Variants in SORBS2 observed in about 807,000 individuals in gnomAD.
SORBS2 encodes the protein sorbin and SH3 domain containing 2, also known as sorbin and SH3 domain-containing protein 2.
A neutral mutation model predicts 97.7 loss-of-function variants in SORBS2; 46 were observed. The observed-to-expected ratio is 0.47, with a 90% CI of 0.37 to 0.60. The LOEUF is 0.60. Among genes scored for constraint, SORBS2 ranks in the 20% least tolerant of loss-of-function variants. The probability of loss-of-function intolerance (pLI) is 0.00; values close to 1 mark genes in which losing one functional copy is unlikely to be tolerated. For synonymous variants in SORBS2, 476 were observed against 473.4 expected, an observed-to-expected ratio of 1.01 and a Z score of -0.07; for missense variants, 1,316 against 1,282.3, an observed-to-expected ratio of 1.03 and a Z score of -0.40.
chr4:185,889,989 C>G (rs965617559), intron 1 of SORBS2, among the ~76,000 whole-genome samples: 11 of 152,174 alleles, frequency 7.2e-5, no homozygotes, highest in Non-Finnish European at 1.5e-4. Context: ...CAAGTTCAAG[C>G]AATTTTCCTG....
At chr4:185,828,552 CAAAG>C (rs1172480067) in intron 1 of SORBS2, among the ~76,000 whole-genome samples, 1 of 151,876 alleles carries the variant, frequency 6.6e-6, no homozygotes, top group Non-Finnish European at 1.5e-5. Context: ...TATAATACAA[CAAAG>C]AAAGAAAAGA....
rs544211866 is a variant in SORBS2, at chr4:185,731,866, CTATATATATATATATATATATATATA to C, written c.-198+43335_-198+43360del. ...TCTCTCTCTCTCTCTCTCTCTCTCT[CTATATATATATATATATATATATATA>C]TATATATATATATATATGTCTGTTT... is the stretch of plus-strand genomic sequence containing the variant. On this transcript the variant is annotated intron_variant, in intron 2 of 20. Transcript: ENST00000284776. 5.3e-4 allele frequency among the ~76,000 whole-genome samples: 13 copies of C among 24,692 alleles called. No homozygotes were observed. The East Asian group carries it at 8.0e-3, about 15-fold the overall frequency. 16.2% of individuals were successfully genotyped at this position (24,692 alleles called of 152,430 possible). A position where few individuals can be genotyped will look rare whatever the true frequency, so the allele number is the denominator to read the frequency against.
rs566236409 is a variant in SORBS2, at chr4:185,639,016, G to A, written c.396+7652C>T. 6 of 1,517,530 alleles carry A rather than the reference G, an allele frequency of 4.0e-6. No individual in the cohort carries two copies. In the African/African-American group the frequency reaches 5.7e-5, roughly 14 times the overall value. 94.0% of individuals were successfully genotyped at this position (1,517,530 alleles called of 1,614,324 possible). Reference sequence around the variant, plus strand: ...GCCAGGTTCCCTTGGAACAGGTGTCGGAGTTGTTGGGAGAGGGGGCTGCAA... The same window carrying A: ...GCCAGGTTCCCTTGGAACAGGTGTCAGAGTTGTTGGGAGAGGGGGCTGCAA... On this transcript the variant is annotated intron_variant, in intron 4 of 14. Transcript: ENST00000418609.
chr4:185,813,173 G>C (rs538923757), intron 1 of SORBS2: 3 of 152,208 alleles, frequency 2.0e-5, no homozygotes, highest in Admixed American at 1.3e-4. Flanking sequence ...CTAGCAATCT[G>C]TTTCAAATAG....
At chr4:185,718,188 G>A (rs80210472) in intron 2 of SORBS2, among the ~76,000 whole-genome samples, 10,954 of 151,848 alleles carry the variant, frequency 0.072, 580 homozygotes, top group African/African-American at 0.15. Context: ...CCAAGATCGC[G>A]CCATTGCACT....
In SORBS2 at chr4:185,909,938, C is replaced by T. The variant is rs986944227; in HGVS notation, c.-338+46258G>A. On this transcript the variant is annotated intron_variant, in intron 1 of 20. Transcript: ENST00000284776. Reference sequence around the variant, plus strand: ...GGCGGAGGTTGAAGTGAGCTGAGATCGCTCCACTGCACTCCAGCTTGGGTG... The same window carrying T: ...GGCGGAGGTTGAAGTGAGCTGAGATTGCTCCACTGCACTCCAGCTTGGGTG... Among the ~76,000 whole-genome samples the T allele has an allele frequency of 5.0e-4, 73 of 145,750 alleles. 4 individuals are homozygous for T. The highest frequency in any genetic ancestry group is 4.0e-4 in the East Asian group (2 of 5,002).
chr4:185,614,576 A>G (rs887573524), intron 11 of SORBS2: 2 of 437,090 alleles, frequency 4.6e-6, no homozygotes, highest in Admixed American at 3.9e-5. Flanking sequence ...TTTCAGCCCC[A>G]TGCCCGGCTT....
At chr4:185,640,574 A>G (rs1189055032) in intron 4 of SORBS2, among the ~76,000 whole-genome samples, 1 of 152,220 alleles carries the variant, frequency 6.6e-6, no homozygotes, top group East Asian at 1.9e-4. Flanking sequence ...GGTAGAGACA[A>G]AATATTCTAG....
intron 7 of SORBS2, among the ~76,000 whole-genome samples, chr4:185,621,421 C>T (rs760281182): frequency 3.9e-5 from 6 of 152,000 alleles, no homozygotes; most frequent in Admixed American, 1.3e-4. Context: ...TTCCAAGTTA[C>T]GTTTCAAAAA....
chr4:185,901,263 G>T (rs560742460), intron 1 of SORBS2, among the ~76,000 whole-genome samples: 2 of 152,128 alleles, frequency 1.3e-5, no homozygotes, highest in African/African-American at 2.4e-5. Flanking sequence ...GAGTGCAATG[G>T]CACAATCTCG....
At chr4:185,655,423 C>T (rs1437417417) in intron 1 of SORBS2, among the ~76,000 whole-genome samples, 1 of 152,166 alleles carries the variant, frequency 6.6e-6, no homozygotes, top group Non-Finnish European at 1.5e-5. Context: ...GACAGCCTGA[C>T]TTGACATTTA....
chr4:185,853,668 C>A (rs1413335155), intron 1 of SORBS2, among the ~76,000 whole-genome samples: 1 of 152,100 alleles, frequency 6.6e-6, no homozygotes, highest in East Asian at 1.9e-4. Context: ...AAACATTCTC[C>A]CAGATATGTG....
At chr4:185,720,635 T>C (rs10017940) in intron 2 of SORBS2, among the ~76,000 whole-genome samples, 122,912 of 152,136 alleles carry the variant, frequency 0.81, 50,304 homozygotes, top group Non-Finnish European at 0.89. Flanking sequence ...CCAGGTGCTC[T>C]GCCTTGTGAC....
intron 1 of SORBS2, among the ~76,000 whole-genome samples, chr4:185,653,126 G>A (rs192047664): frequency 7.9e-5 from 12 of 152,310 alleles, no homozygotes; most frequent in Admixed American, 7.2e-4. Context: ...TGAATGTTCT[G>A]TAAGACAGTG....
At chr4:185,629,846 C>G (rs1482961600) in intron 5 of SORBS2, among the ~76,000 whole-genome samples, 1 of 152,122 alleles carries the variant, frequency 6.6e-6, no homozygotes, top group Non-Finnish European at 1.5e-5. Context: ...AGGCATGAGC[C>G]ACCGTGCCTG....
chr4:185,710,513 C>G (rs953790226), intron 2 of SORBS2, among the ~76,000 whole-genome samples: 3 of 152,234 alleles, frequency 2.0e-5, no homozygotes, highest in Non-Finnish European at 4.4e-5. Context: ...CACACTCCCC[C>G]CCAAATTTTG....
intron 1 of SORBS2, among the ~76,000 whole-genome samples, chr4:185,930,286 TTTTTGTTTTGTTTTG>T (rs571706557): frequency 1.3e-5 from 2 of 151,894 alleles, no homozygotes; most frequent in Non-Finnish European, 2.9e-5. Context: ...GATAGAGGTT[TTTTTGTTTTGTTTTG>T]TTTTGTTTTG....
chr4:185,674,678 T>C (rs1269045508), intron 4 of SORBS2, among the ~76,000 whole-genome samples: 2 of 152,112 alleles, frequency 1.3e-5, no homozygotes, highest in Admixed American at 6.6e-5. Context: ...TCACTTCCTA[T>C]CACTCTCACC....
chr4:185,674,756 C>CA (rs35466113), intron 4 of SORBS2, among the ~76,000 whole-genome samples: 10 of 152,160 alleles, frequency 6.6e-5, no homozygotes, highest in Non-Finnish European at 1.3e-4. Context: ...TGATCAACCT[C>CA]AAAGCCTTTA....
Sources: gnomAD v4.1 joint callset for allele counts (sites outside exome capture counted in the v4.1 genomes callset) on GRCh38, gnomAD v4.1.1 for gene constraint, MANE v1.5 for transcripts, NCBI Gene and HGNC (gene_info 2026-07-23, HGNC 2026-07-21) for gene names.